The following STRBP variants were observed in gnomAD, a reference collection of about 807,000 sequenced individuals.
STRBP encodes spermatid perinuclear RNA binding protein.
In STRBP, 13 loss-of-function variants were observed where a neutral mutation model predicts 80.1. The ratio of observed to expected loss-of-function variants is 0.16; its 90% CI spans 0.11 to 0.26. The LOEUF (loss-of-function observed/expected upper bound fraction) is 0.26. Among genes scored for constraint, STRBP ranks in the 10% least tolerant of loss-of-function variants. The pLI is 1.00. For synonymous variants in STRBP, 284 were observed against 291.2 expected (o/e 0.98, Z 0.25); for missense variants, 485 against 815.2 (o/e 0.59, Z 4.93).
chr9:123,261,114 A>G (rs2041151923), intron 1 of STRBP, among the ~76,000 whole-genome samples: 1 of 152,224 alleles, frequency 6.6e-6, no homozygotes, highest in Non-Finnish European at 1.5e-5. Flanking sequence ...CGTTCTTCTA[A>G]TACAGCAATT....
At chr9:123,199,853 C>T (rs928369327) in intron 2 of STRBP, among the ~76,000 whole-genome samples, 1 of 152,124 alleles carries the variant, frequency 6.6e-6, no homozygotes, top group African/African-American at 2.4e-5. Flanking sequence ...TTTGGATACC[C>T]TTTATTTCTT....
intron 5 of STRBP, among the ~76,000 whole-genome samples, chr9:123,170,269 T>C (rs1277504316): frequency 6.6e-6 from 1 of 152,184 alleles, no homozygotes; most frequent in Admixed American, 6.5e-5. Context: ...GCAACCACAA[T>C]GTCAACCATC....
intron 17 of STRBP, among the ~76,000 whole-genome samples, chr9:123,131,372 C>T (rs1016928965): frequency 6.6e-6 from 1 of 152,214 alleles, no homozygotes; most frequent in Admixed American, 6.5e-5. Context: ...CTTTAATTCA[C>T]ATCATTCCCC....
chr9:123,262,288 GA>G (rs2041175500), intron 1 of STRBP, among the ~76,000 whole-genome samples: 1 of 152,030 alleles, frequency 6.6e-6, no homozygotes, highest in Non-Finnish European at 1.5e-5. Context: ...AGCATGGTAA[GA>G]AAAAAATAGA....
chr9:123,192,057 G>C (rs757279835), intron 2 of STRBP, among the ~76,000 whole-genome samples: 4 of 152,208 alleles, frequency 2.6e-5, no homozygotes, highest in Non-Finnish European at 4.4e-5. Flanking sequence ...CATCAGGATT[G>C]ACTTTAAGGT....
chr9:123,144,887 G>C lies in STRBP; in HGVS notation c.1338+1968C>G, dbSNP rs377708968. Among the ~76,000 whole-genome samples the C allele has an allele frequency of 5.8e-4, 88 of 152,252 alleles. 1 individual carries two copies. The East Asian group carries it at 0.016, about 27-fold the overall frequency. ...CACTTAAGACTGACAGCTAGTAATA[G>C]GTTTTCATATCCTATAGCTGATAAA... On this transcript the variant is annotated intron_variant, in intron 13 of 18. Transcript: ENST00000348403.
chr9:123,192,187 G>C (rs1464525417), intron 2 of STRBP, among the ~76,000 whole-genome samples: 2 of 152,178 alleles, frequency 1.3e-5, no homozygotes, highest in African/African-American at 4.8e-5. Flanking sequence ...AGACATCTAA[G>C]AAGGCAGCTG....
intron 6 of STRBP, among the ~76,000 whole-genome samples, chr9:123,168,024 G>C (rs138992627): frequency 1.6e-4 from 25 of 152,018 alleles, no homozygotes; most frequent in African/African-American, 5.3e-4. Context: ...AAAATGAAAG[G>C]GATGCTGACA....
At chr9:123,149,327 C>T (rs2036957337) in intron 11 of STRBP, among the ~76,000 whole-genome samples, 1 of 152,312 alleles carries the variant, frequency 6.6e-6, no homozygotes, top group South Asian at 2.1e-4. Flanking sequence ...ATTTGCATTA[C>T]ATACAACTAT....
intron 2 of STRBP, among the ~76,000 whole-genome samples, chr9:123,198,871 A>G (rs2039205559): frequency 6.6e-6 from 1 of 152,138 alleles, no homozygotes; most frequent in South Asian, 2.1e-4. Flanking sequence ...ATGTTTATGT[A>G]TGCTTCATCA....
intron 3 of STRBP, chr9:123,114,856 G>C: frequency 3.7e-6 from 1 of 267,588 alleles, no homozygotes; most frequent in Admixed American, 5.0e-5. Flanking sequence ...TCATCTTCCC[G>C]TCCCTACCCA....
intron 3 of STRBP, chr9:123,114,857 T>C (rs1002018175): frequency 3.6e-6 from 1 of 276,488 alleles, no homozygotes; most frequent in African/African-American, 2.2e-5. Context: ...CATCTTCCCG[T>C]CCCTACCCAA....
At chr9:123,173,324 T>TCTA (rs1210219623) in intron 5 of STRBP, among the ~76,000 whole-genome samples, 1 of 152,208 alleles carries the variant, frequency 6.6e-6, no homozygotes, top group Admixed American at 6.5e-5. Context: ...CTAGAAAGTA[T>TCTA]CTAGGCTGTT....
At position 123,153,663 on chromosome 9, in the gene STRBP, T is replaced by G. The variant is rs183970807; in HGVS notation, c.1045+4349A>C. Among the ~76,000 whole-genome samples, 14 of 152,222 alleles carry G rather than the reference T, an allele frequency of 9.2e-5. No individual in the cohort carries two copies. The East Asian group carries it at 2.7e-3, about 29-fold the overall frequency. On this transcript the variant is annotated intron_variant, in intron 11 of 18. Coordinates refer to ENST00000348403, the MANE Select transcript of STRBP (RefSeq NM_018387.5). ...GCAAAGGGAGAGCGAGGGCAGGAGC[T>G]TAGATCTTAGACATCTTAAGTTTGA...
At chr9:123,207,403 T>A (rs1477599209) in intron 2 of STRBP, among the ~76,000 whole-genome samples, 1 of 152,222 alleles carries the variant, frequency 6.6e-6, no homozygotes, top group Admixed American at 6.5e-5. Context: ...AGTTGCAGAA[T>A]AGCATGAACA....
At chr9:123,111,721 C>T (rs569775160) in intron 3 of STRBP, 6 of 399,706 alleles carry the variant, frequency 1.5e-5, no homozygotes, top group Non-Finnish European at 2.5e-5. Flanking sequence ...CCATCTGTGC[C>T]GGCTCCAGTT....
rs2036367656 is a variant in STRBP at position 123,136,701 on chromosome 9, G to T, written c.1498-186C>A. 6.6e-6 allele frequency among the ~76,000 whole-genome samples: 1 copy of T among 152,126 alleles called. No homozygotes were observed. The highest frequency in any genetic ancestry group is 2.1e-4 in the South Asian group (1 of 4,832). ...TAAAGCTGTAAAAACTCTACAAGCA[G>T]TAAACATTGCAGTCATCTGGCCAGC... On this transcript the variant is annotated intron_variant, in intron 14 of 18. Coordinates refer to ENST00000348403, the MANE Select transcript of STRBP (RefSeq NM_018387.5). The surrounding 1 kb of genome is among the most constrained non-coding windows in gnomAD (Gnocchi z 4.2).
chr9:123,191,197 T>C (rs2038911305), intron 2 of STRBP, among the ~76,000 whole-genome samples: 1 of 151,904 alleles, frequency 6.6e-6, no homozygotes, highest in African/African-American at 2.4e-5. Context: ...AGATAATACA[T>C]GGAGAGGGAG....
intron 1 of STRBP, among the ~76,000 whole-genome samples, chr9:123,267,341 C>T (rs2041291382): frequency 6.6e-6 from 1 of 151,928 alleles, no homozygotes; most frequent in East Asian, 1.9e-4. Context: ...CCCCACACAC[C>T]TCCTGCTCTC....
Sources: gnomAD v4.1 joint callset for allele counts (sites outside exome capture counted in the v4.1 genomes callset) on GRCh38, gnomAD v4.1.1 for gene constraint, Gnocchi (gnomAD v3.1) non-coding constraint, MANE v1.5 for transcripts, NCBI Gene and HGNC (gene_info 2026-07-23, HGNC 2026-07-21) for gene names.